The following CELSR1 variants were observed in gnomAD, a reference collection of about 807,000 sequenced individuals.
CELSR1 encodes the protein cadherin EGF LAG seven-pass G-type receptor 1, also known as adhesion G protein-coupled receptor C1.
Under a neutral mutation model 249.1 loss-of-function variants are expected in CELSR1, and 110 were observed. The ratio of observed to expected loss-of-function variants is 0.44; its 90% CI spans 0.38 to 0.52. The LOEUF is 0.52. Ranked by LOEUF, CELSR1 falls within the 20% of genes least tolerant of loss-of-function variation. The pLI is 0.00. For missense variants in CELSR1, 4,109 were observed against 4,296.4 expected (o/e 0.96, Z 1.22); for synonymous variants, 2,113 against 1,900.0 (o/e 1.11, Z -2.92).
Position 46,433,019 on chromosome 22 carries a change from G to A in CELSR1, c.4611+374C>T, listed in dbSNP as rs969184628. Among the ~76,000 whole-genome samples the A allele has an allele frequency of 2.6e-5, 4 of 151,722 alleles. No homozygotes were observed. Among genetic ancestry groups the A allele is most frequent in the Non-Finnish European group, 5.9e-5 (4 of 67,974 alleles). ...GTCTCAAGACAGAAAATCTACCAGGGCACCTTTTTTCCTTCCTTTTTTTTT... is the reference window on the plus strand; with the variant it reads ...GTCTCAAGACAGAAAATCTACCAGGACACCTTTTTTCCTTCCTTTTTTTTT... On this transcript the variant is annotated intron_variant, in intron 5 of 34. Transcript: ENST00000674500. This position sits in a 1 kb window ranked among gnomAD's most constrained non-coding sequence, Gnocchi z 5.7.
chr22:46,524,541 C>CGCGTGTGTGT lies in CELSR1; in HGVS notation c.3544+9085_3544+9086insACACACACGC, dbSNP rs1194384146. On this transcript the variant is annotated intron_variant, in intron 1 of 34. Transcript: ENST00000674500. ...AAACGGCCCCCACCCCCGTTGTGTGCGTGTGTGTGTGTGTGTGTGTGTGTG... is the reference window on the plus strand; with the variant it reads ...AAACGGCCCCCACCCCCGTTGTGTGCGCGTGTGTGTGTGTGTGTGTGTGTGTGTGTGTGTG... 1.1e-3 allele frequency among the ~76,000 whole-genome samples: 88 copies of CGCGTGTGTGT among 77,876 alleles called. 1 individual carries two copies. The South Asian group carries it at 0.012, about 10-fold the overall frequency. 51.1% of individuals were successfully genotyped at this position (77,876 alleles called of 152,430 possible).
chr22:46,369,898 C>A lies in CELSR1; in HGVS notation c.7760-94G>T, dbSNP rs115751487. The A allele has an allele frequency of 6.7e-4, 674 of 1,007,260 alleles. 2 individuals carry two copies. In the African/African-American group the frequency reaches 8.7e-3, roughly 13 times the overall value. The allele number at this position is 1,007,260 out of a possible 1,614,324, so 62.4% of individuals were successfully genotyped here. ...AGCCAGGGTGGGGTGAAATGGGGGA[C>A]TCAGCATCTCCCTTCTCAGAGGAAG... On this transcript the variant is annotated intron_variant, in intron 25 of 34. Transcript: ENST00000674500.
At chr22:46,524,541 C>CGCGCGTGTGTGT (rs1194384146) in intron 1 of CELSR1, among the ~76,000 whole-genome samples, 1 of 77,828 alleles carries the variant, frequency 1.3e-5, no homozygotes, top group South Asian at 3.7e-4. Flanking sequence ...CCGTTGTGTG[C>CGCGCGTGTGTGT]GTGTGTGTGT....
intron 1 of CELSR1, among the ~76,000 whole-genome samples, chr22:46,524,568 G>C (rs759630561): frequency 3.5e-5 from 2 of 57,180 alleles, no homozygotes; most frequent in Admixed American, 2.6e-4. Flanking sequence ...GTGTGTGTGT[G>C]TGTCTGTCTG....
rs2079845569 is a variant in CELSR1, at chr22:46,448,452, G to A, written c.4184-9041C>T. 1 of 336,650 alleles carries A rather than the reference G, an allele frequency of 3.0e-6. No homozygotes were observed. The highest frequency in any genetic ancestry group is 4.0e-5 in the Admixed American group (1 of 25,188). 20.9% of individuals were successfully genotyped at this position (336,650 alleles called of 1,614,324 possible). A position where few individuals can be genotyped will look rare whatever the true frequency, so the allele number is the denominator to read the frequency against. ...AGCAGGCAGAGAACCTCAGGACCTG[G>A]GGGAGGGCTGGGAACGCGCTGGGAA... On this transcript the variant is annotated intron_variant, in intron 2 of 34. Coordinates refer to ENST00000674500, the MANE Select transcript of CELSR1 (RefSeq NM_001378328.1). The surrounding 1 kb of genome is among the most constrained non-coding windows in gnomAD (Gnocchi z 5.7).
intron 1 of CELSR1, 103 bp downstream of exon 1, chr22:46,533,524 G>A (rs1316412370): frequency 1.4e-6 from 2 of 1,459,972 alleles, no homozygotes; most frequent in Non-Finnish European, 9.1e-7. Flanking sequence ...CCCGGGCCCG[G>A]CCCAATTGCG....
At chr22:46,378,807 TC>T (rs2078947049) in intron 22 of CELSR1, 90 bp from the exon 23 acceptor site, 1 of 1,486,878 alleles carries the variant, frequency 6.7e-7, no homozygotes, top group African/African-American at 1.4e-5. Context: ...CCCTGGGGGC[TC>T]CCAGGCCATC....
At chr22:46,476,380 G>A (rs1204395673) in intron 1 of CELSR1, among the ~76,000 whole-genome samples, 3 of 152,020 alleles carry the variant, frequency 2.0e-5, no homozygotes, top group South Asian at 2.1e-4. Flanking sequence ...TGGATTGCCT[G>A]AGCTCAGGAG....
At position 46,386,599 on chromosome 22, in the gene CELSR1, C is replaced by G; in HGVS notation, c.6556-14G>C. 6.3e-7 allele frequency: 1 copy of G among 1,577,694 alleles called. No homozygotes were observed. ...GTGGATGACGTCCTGGTCAGACAGACAGCACTCAGTACTCAGCCTGCGGAG... is the reference window on the plus strand; with the variant it reads ...GTGGATGACGTCCTGGTCAGACAGAGAGCACTCAGTACTCAGCCTGCGGAG... On this transcript the variant is annotated splice_polypyrimidine_tract_variant and intron_variant, in intron 18 of 34. Coordinates refer to ENST00000674500, the MANE Select transcript of CELSR1 (RefSeq NM_001378328.1).
intron 29 of CELSR1, 25 bp downstream of exon 29, chr22:46,366,968 C>T (rs1206389877): frequency 6.2e-7 from 1 of 1,601,820 alleles, no homozygotes; most frequent in Non-Finnish European, 8.5e-7. Flanking sequence ...GCCCCCAGTC[C>T]CGCGGTGTCC....
rs1380019239 is a variant in CELSR1, at chr22:46,517,106, A to G, written c.3544+16521T>C. 5.3e-5 allele frequency among the ~76,000 whole-genome samples: 8 copies of G among 152,186 alleles called. No individual in the cohort carries two copies. Among genetic ancestry groups the G allele is most frequent in the South Asian group, 4.1e-4 (2 of 4,828 alleles). On this transcript the variant is annotated intron_variant, in intron 1 of 34. Transcript: ENST00000674500. This position sits in a 1 kb window ranked among gnomAD's most constrained non-coding sequence, Gnocchi z 5.4. ...CTGGCCAGGGCAGGTTCTCACCCCA[A>G]TGGATCATTCCCCTGAGGTATACAA...
In CELSR1 at chr22:46,361,379, A is replaced by C. The variant is rs1490954449; in HGVS notation, c.*1844T>G. On this transcript the variant is annotated 3_prime_UTR_variant, in exon 35 of 35. Transcript: ENST00000674500. ...GGTAACAGTTCTGATCAAATTAAAA[A>C]TTACACCTCGTGATGTTGGCTGTGG... The C allele has an allele frequency of 6.6e-6, 1 of 152,468 alleles. No individual in the cohort carries two copies. Among genetic ancestry groups the C allele is most frequent in the Non-Finnish European group, 1.5e-5 (1 of 68,050 alleles). 9.4% of individuals were successfully genotyped at this position (152,468 alleles called of 1,614,324 possible).
rs1029490713 is a variant in CELSR1 at position 46,536,751 on chromosome 22, C to G, written c.420G>C (p.Ala140=). 2.7e-5 allele frequency: 32 copies of G among 1,181,296 alleles called. No homozygotes were observed. The highest frequency in any genetic ancestry group is 4.7e-5 in the Admixed American group (1 of 21,312). The allele number at this position is 1,181,296 out of a possible 1,614,324, so 73.2% of individuals were successfully genotyped here. A position where few individuals can be genotyped will look rare whatever the true frequency, so the allele number is the denominator to read the frequency against. The part of the protein sequence containing the change: ...ALCFPVPGGC[A]AAQHSALAAP... The stretch of plus-strand genomic sequence containing the variant: ...CTGCGAGCGCCGAATGCTGCGCGGC[C>G]GCGCAGCCGCCGGGGACGGGGAAGC... The change falls in exon 1 of 35, where the codon GCG becomes GCC. Residue 140 remains alanine (A), a synonymous_variant. Coordinates refer to ENST00000674500, the MANE Select transcript of CELSR1 (RefSeq NM_001378328.1).
At position 46,399,951 on chromosome 22, in the gene CELSR1, G is replaced by A. The variant is rs374617515; in HGVS notation, c.5227-49C>T. 14 of 1,577,418 alleles carry A rather than the reference G, an allele frequency of 8.9e-6. No homozygotes were observed. The highest frequency in any genetic ancestry group is 1.7e-5 in the Admixed American group (1 of 57,776). ...ACTGATTGGTACAATGACAATGAAA[G>A]AGAAAACATTTTGCAGTCACTTAAA... is the stretch of plus-strand genomic sequence containing the variant. On this transcript the variant is annotated intron_variant, in intron 9 of 34. Coordinates refer to ENST00000674500, the MANE Select transcript of CELSR1 (RefSeq NM_001378328.1). The surrounding 1 kb of genome is among the most constrained non-coding windows in gnomAD (Gnocchi z 5.0).
Position 46,390,302 on chromosome 22 carries a change from G to T in CELSR1, c.6345+90C>A. 1 of 1,097,606 alleles carries T rather than the reference G, an allele frequency of 9.1e-7. No homozygotes were observed. The highest frequency in any genetic ancestry group is 1.3e-6 in the Non-Finnish European group (1 of 760,698). The allele number at this position is 1,097,606 out of a possible 1,614,324, so 68.0% of individuals were successfully genotyped here. A position where few individuals can be genotyped will look rare whatever the true frequency, so the allele number is the denominator to read the frequency against. ...ATCCCAGCCGCCCCAACACTCCCCA[G>T]CCCAGGAGCCTCGGCCCACACAAAC... On this transcript the variant is annotated intron_variant, in intron 17 of 34. Coordinates refer to ENST00000674500, the MANE Select transcript of CELSR1 (RefSeq NM_001378328.1). The surrounding 1 kb of genome is among the most constrained non-coding windows in gnomAD (Gnocchi z 6.3).
chr22:46,460,250 A>G (rs1482993826), intron 2 of CELSR1, among the ~76,000 whole-genome samples: 1 of 152,028 alleles, frequency 6.6e-6, no homozygotes, highest in Non-Finnish European at 1.5e-5. Context: ...CCTGGGGGAC[A>G]GAGACATGGA....
Position 46,411,390 on chromosome 22 carries a change from G to A in CELSR1, c.4769+212C>T, listed in dbSNP as rs1351758303. ...GCCATCACAACCCTGGGGTCGGCCT[G>A]GCCACTCTTGACACATACTTAGGGA... On this transcript the variant is annotated intron_variant, in intron 6 of 34. Coordinates refer to ENST00000674500, the MANE Select transcript of CELSR1 (RefSeq NM_001378328.1). The surrounding 1 kb of genome is among the most constrained non-coding windows in gnomAD (Gnocchi z 4.2). Among the ~76,000 whole-genome samples the A allele has an allele frequency of 6.6e-6, 1 of 152,138 alleles. No homozygotes were observed. Among genetic ancestry groups the A allele is most frequent in the Admixed American group, 6.5e-5 (1 of 15,286 alleles).
rs2080644307 is a variant in CELSR1, at chr22:46,517,866, T to C, written c.3544+15761A>G. Among the ~76,000 whole-genome samples, 1 of 151,102 alleles carries C rather than the reference T, an allele frequency of 6.6e-6. No homozygotes were observed. Among genetic ancestry groups the C allele is most frequent in the African/African-American group, 2.4e-5 (1 of 41,100 alleles). On this transcript the variant is annotated intron_variant, in intron 1 of 34. Transcript: ENST00000674500. This position sits in a 1 kb window ranked among gnomAD's most constrained non-coding sequence, Gnocchi z 5.4. ...AAGCACCCACCACCCTGTGTCCCCA[T>C]ATTCTGTTTATTACACACCTCCCAC...
chr22:46,523,381 T>G (rs551305298), intron 1 of CELSR1, among the ~76,000 whole-genome samples: 39 of 151,728 alleles, frequency 2.6e-4, no homozygotes, highest in Non-Finnish European at 4.7e-4. Context: ...ATACAAAAAT[T>G]AGCTGGGTGT....
Sources: gnomAD v4.1 joint callset for allele counts (sites outside exome capture counted in the v4.1 genomes callset) on GRCh38, gnomAD v4.1.1 for gene constraint, Gnocchi (gnomAD v3.1) non-coding constraint, MANE v1.5 for transcripts, NCBI Gene and HGNC (gene_info 2026-07-23, HGNC 2026-07-21) for gene names.